The following NEU3 variants were observed in gnomAD, a reference collection of about 807,000 sequenced individuals.
NEU3 encodes the protein neuraminidase 3.
NEU3 carries 10 observed loss-of-function variants against 11.4 expected under a neutral mutation model. That is an observed-to-expected ratio of 0.88 (90% CI 0.54 to 1.49). NEU3 has a LOEUF of 1.49. Ranked by LOEUF, NEU3 falls within the 40% of genes most tolerant of loss-of-function variation. The pLI is 0.00. For synonymous variants in NEU3, 212 were observed against 228.2 expected, an observed-to-expected ratio of 0.93 and a Z score of 0.64; for missense variants, 529 against 581.8, an observed-to-expected ratio of 0.91 and a Z score of 0.93.
chr11:74,989,776 T>G (rs1268355607), intron 1 of NEU3, among the ~76,000 whole-genome samples: 1 of 152,178 alleles, frequency 6.6e-6, no homozygotes, highest in Non-Finnish European at 1.5e-5. Flanking sequence ...TAAAGTGACT[T>G]GCTAGTAAGT....
chr11:75,002,926 A>G (rs747242323), intron 2 of NEU3, among the ~76,000 whole-genome samples: 7 of 152,318 alleles, frequency 4.6e-5, no homozygotes, highest in Admixed American at 2.0e-4. Flanking sequence ...ATAGTATTCT[A>G]TCGTATGAAC....
At position 75,005,891 on chromosome 11, in the gene NEU3, C is replaced by T. The variant is rs1366017225; in HGVS notation, c.785C>T (p.Ala262Val). The T allele has an allele frequency of 6.2e-7, 1 of 1,613,536 alleles. No homozygotes were observed. The highest frequency in any genetic ancestry group is 1.3e-5 in the African/African-American group (1 of 74,904). ...RPMVTVECEV[A>V]EVTGRAGHPV... ...ATGGTTACAGTAGAATGTGAAGTGGCAGAGGTGACTGGGAGGGCTGGCCAC... is the reference window on the plus strand; with the variant it reads ...ATGGTTACAGTAGAATGTGAAGTGGTAGAGGTGACTGGGAGGGCTGGCCAC... Residue 262 changes from alanine to valine, a missense_variant, in exon 3 of 3, where the codon GCA becomes GTA. By Grantham distance (64) the Ala-to-Val change is moderately conservative. Transcript: ENST00000294064.
Position 75,006,254 on chromosome 11 carries a change from C to T in NEU3, c.1148C>T (p.Thr383Ile), listed in dbSNP as rs767832775. ...RVDLGIYLNQ[T>I]PLEAACWSRP... ...GACCTAGGTATCTATCTCAACCAGACCCCCTTGGAGGCTGCCTGCTGGTCC... is the reference window on the plus strand; with the variant it reads ...GACCTAGGTATCTATCTCAACCAGATCCCCTTGGAGGCTGCCTGCTGGTCC... Residue 383 changes from threonine to isoleucine, a missense_variant, in exon 3 of 3, where the codon ACC becomes ATC. Transcript: ENST00000294064. 1.2e-6 allele frequency: 2 copies of T among 1,613,886 alleles called. No homozygotes were observed. Among genetic ancestry groups the T allele is most frequent in the African/African-American group, 1.3e-5 (1 of 74,934 alleles).
downstream of NEU3, among the ~76,000 whole-genome samples, chr11:75,014,956 C>T (rs1948974672): frequency 6.6e-6 from 1 of 152,172 alleles, no homozygotes; most frequent in African/African-American, 2.4e-5. Flanking sequence ...AAGTTTAAAC[C>T]TTTGGCACAT....
intron 1 of NEU3, among the ~76,000 whole-genome samples, chr11:74,990,561 T>C (rs575964203): frequency 1.5e-3 from 227 of 152,286 alleles, no homozygotes; most frequent in African/African-American, 5.3e-3. Context: ...GGTGTCACCA[T>C]GTTGGCCAGG....
intron 1 of NEU3, among the ~76,000 whole-genome samples, chr11:74,993,495 C>T (rs1055255802): frequency 4.0e-4 from 61 of 152,146 alleles, no homozygotes; most frequent in Non-Finnish European, 8.2e-4. Flanking sequence ...TGAGCCACCA[C>T]GCCCGGCCTG....
the NEU3 span, among the ~76,000 whole-genome samples, chr11:74,982,461 C>T: frequency 9.2e-5 from 14 of 152,274 alleles, no homozygotes; most frequent in African/African-American, 2.9e-4. Context: ...GAACACTCAG[C>T]GTTCCTGGCA....
rs898001188 is a variant in NEU3, at chr11:75,006,599, C to T, written c.*107C>T. The T allele has an allele frequency of 2.2e-6, 3 of 1,339,696 alleles. No individual in the cohort carries two copies. Among genetic ancestry groups the T allele is most frequent in the African/African-American group, 2.9e-5 (2 of 68,074 alleles). The allele number at this position is 1,339,696 out of a possible 1,614,324, so 83.0% of individuals were successfully genotyped here. ...AAAAAACTTAATATTCTGTTCCCTA[C>T]CTTTTTTCACTTTTCCTCCTCCAAA... On this transcript the variant is annotated 3_prime_UTR_variant, in exon 3 of 3. Coordinates refer to ENST00000294064, the MANE Select transcript of NEU3 (RefSeq NM_006656.6).
At chr11:74,982,750 A>T in the NEU3 span, among the ~76,000 whole-genome samples, 1 of 152,166 alleles carries the variant, frequency 6.6e-6, no homozygotes, top group Non-Finnish European at 1.5e-5. Flanking sequence ...GAGCAGCGAA[A>T]AAAAAGGAGC....
intron 1 of NEU3, among the ~76,000 whole-genome samples, chr11:74,991,836 T>G (rs145463275): frequency 3.5e-4 from 54 of 152,336 alleles, no homozygotes; most frequent in African/African-American, 1.3e-3. Context: ...CACTGATTCA[T>G]TCAATCATTC....
intron 2 of NEU3, among the ~76,000 whole-genome samples, chr11:75,002,814 C>T (rs1948858858): frequency 1.3e-5 from 2 of 152,258 alleles, no homozygotes; most frequent in South Asian, 2.1e-4. Flanking sequence ...TTTAGTTTTG[C>T]TTATTTTTAA....
intron 2 of NEU3, among the ~76,000 whole-genome samples, chr11:74,999,969 G>T (rs1200671798): frequency 6.6e-6 from 1 of 152,150 alleles, no homozygotes; most frequent in Non-Finnish European, 1.5e-5. Flanking sequence ...CTTGAAAATT[G>T]TGATTACTGT....
In NEU3 at chr11:75,003,796, G is replaced by A. The variant is rs111787693; in HGVS notation, c.307-1617G>A. Among the ~76,000 whole-genome samples, 322 of 152,002 alleles carry A rather than the reference G, an allele frequency of 2.1e-3. 3 individuals carry two copies. Among genetic ancestry groups the A allele is most frequent in the African/African-American group, 7.3e-3 (303 of 41,450 alleles). On this transcript the variant is annotated intron_variant, in intron 2 of 2. Coordinates refer to ENST00000294064, the MANE Select transcript of NEU3 (RefSeq NM_006656.6). Reference sequence around the variant, plus strand: ...TCCCAGCTACTGAGGAGATTGAGGCGTGAGAACCACTTGAACTCGGGAGGC... The same window carrying A: ...TCCCAGCTACTGAGGAGATTGAGGCATGAGAACCACTTGAACTCGGGAGGC...
the NEU3 span, among the ~76,000 whole-genome samples, chr11:74,982,901 C>T: frequency 6.6e-6 from 1 of 152,202 alleles, no homozygotes; most frequent in Non-Finnish European, 1.5e-5. Flanking sequence ...CTCCTCCTTC[C>T]ACCACCTCTC....
At chr11:75,016,912 G>A (rs888110161) in intron 3 of NEU3, among the ~76,000 whole-genome samples, 12 of 152,272 alleles carry the variant, frequency 7.9e-5, no homozygotes, top group Admixed American at 5.9e-4. Context: ...TCTAAAGCCT[G>A]GTCTGAACAC....
intron 1 of NEU3, among the ~76,000 whole-genome samples, chr11:74,993,293 T>A (rs1239852895): frequency 6.6e-6 from 1 of 152,132 alleles, no homozygotes; most frequent in African/African-American, 2.4e-5. Context: ...AAGCTCTGCC[T>A]CCTGGGTTCA....
intron 2 of NEU3, among the ~76,000 whole-genome samples, chr11:74,998,632 CCTT>C (rs1045683768): frequency 1.6e-4 from 24 of 152,208 alleles, no homozygotes; most frequent in African/African-American, 5.5e-4. Context: ...CAGCAGATAA[CCTT>C]CTTCTGCTGT....
chr11:75,010,863 G>A lies in NEU3; in HGVS notation c.*4371G>A, dbSNP rs1385265926. On this transcript the variant is annotated 3_prime_UTR_variant, in exon 3 of 3. Coordinates refer to ENST00000294064, the MANE Select transcript of NEU3 (RefSeq NM_006656.6). Reference sequence around the variant, plus strand: ...ACTCTGTACTATAAAAACTACCATCGTTCTTTGAAACAACAAAGAGGAATA... The same window carrying A: ...ACTCTGTACTATAAAAACTACCATCATTCTTTGAAACAACAAAGAGGAATA... 1 of 151,856 alleles carries A rather than the reference G, an allele frequency of 6.6e-6. No homozygotes were observed. Among genetic ancestry groups the A allele is most frequent in the Non-Finnish European group, 1.5e-5 (1 of 67,994 alleles). The allele number at this position is 151,856 out of a possible 1,614,324, so 9.4% of individuals were successfully genotyped here.
chr11:75,006,248 A>AC lies in NEU3; in HGVS notation c.1144dup (p.Gln382ProfsTer24), dbSNP rs1429540134. The stretch of plus-strand genomic sequence containing the variant: ...AGGGTTGACCTAGGTATCTATCTCA[A>AC]CCAGACCCCCTTGGAGGCTGCCTGC... On this transcript the variant is annotated frameshift_variant, in exon 3 of 3. Coordinates refer to ENST00000294064, the MANE Select transcript of NEU3 (RefSeq NM_006656.6). LOFTEE classifies it high-confidence loss of function. 3 of 1,613,830 alleles carry AC rather than the reference A, an allele frequency of 1.9e-6. No individual in the cohort carries two copies. The South Asian group carries it at 3.3e-5, about 18-fold the overall frequency.
Sources: allele counts gnomAD v4.1 joint callset (sites outside exome capture counted in the v4.1 genomes callset), GRCh38; gene constraint gnomAD v4.1.1; transcripts MANE v1.5; gene names NCBI Gene and HGNC (gene_info 2026-07-23, HGNC 2026-07-21).